Variants in LRCH3 observed in about 807,000 individuals in gnomAD.
LRCH3 encodes the protein leucine rich repeats and calponin homology domain containing 3.
In LRCH3, 68 loss-of-function variants were observed where a neutral mutation model predicts 104.5. That is an observed-to-expected ratio of 0.65 (90% CI 0.54 to 0.80). LRCH3 has a LOEUF of 0.80. Among genes scored for constraint, LRCH3 ranks in the 30% least tolerant of loss-of-function variants. The pLI is 0.00. For synonymous variants in LRCH3, 344 were observed against 361.3 expected, an observed-to-expected ratio of 0.95 and a Z score of 0.54; for missense variants, 951 against 953.9, an observed-to-expected ratio of 1.00 and a Z score of 0.04.
chr3:197,843,503 CA>C (rs1010861838), intron 10 of LRCH3, among the ~76,000 whole-genome samples: 3 of 152,050 alleles, frequency 2.0e-5, no homozygotes, highest in African/African-American at 7.2e-5. Flanking sequence ...GCCAACATGG[CA>C]AAACCCTGTC....
At chr3:197,863,139 A>T (rs1741071906) in intron 15 of LRCH3, among the ~76,000 whole-genome samples, 1 of 152,206 alleles carries the variant, frequency 6.6e-6, no homozygotes, top group African/African-American at 2.4e-5. Flanking sequence ...TGTTAATTTT[A>T]GAGTCATTAT....
chr3:197,847,475 T>C lies in LRCH3; in HGVS notation c.1380+15T>C. On this transcript the variant is annotated intron_variant, in intron 11 of 20. Transcript: ENST00000425562. ...GTCACAATCAGGTAATGTTTAGTAG[T>C]TGTGTTTATTTTTGCTTTTTAAACT... 1 of 1,576,012 alleles carries C rather than the reference T, an allele frequency of 6.3e-7. No homozygotes were observed. Among genetic ancestry groups the C allele is most frequent in the Admixed American group, 2.0e-5 (1 of 49,012 alleles).
chr3:197,826,129 G>A (rs1464278246), intron 4 of LRCH3, among the ~76,000 whole-genome samples: 1 of 152,136 alleles, frequency 6.6e-6, no homozygotes, highest in South Asian at 2.1e-4. Context: ...GAAGTTCTCA[G>A]TATACTGGGC....
intron 1 of LRCH3, among the ~76,000 whole-genome samples, chr3:197,792,690 C>T (rs1416332000): frequency 7.2e-6 from 1 of 138,722 alleles, no homozygotes; most frequent in African/African-American, 2.7e-5. Context: ...TCGCTCTTGT[C>T]TCCCAGGCTG....
chr3:197,801,077 A>C (rs1731836758), intron 1 of LRCH3, among the ~76,000 whole-genome samples: 1 of 142,088 alleles, frequency 7.0e-6, no homozygotes, highest in South Asian at 2.4e-4. Flanking sequence ...CCTGGGCAAC[A>C]GAGTGAGACT....
intron 9 of LRCH3, among the ~76,000 whole-genome samples, chr3:197,837,996 A>G (rs890599395): frequency 2.6e-5 from 4 of 151,828 alleles, no homozygotes; most frequent in African/African-American, 7.3e-5. Flanking sequence ...GGCAGCGGAC[A>G]TTGCAGTGAG....
At chr3:197,868,005 CAA>C (rs912903458) in intron 17 of LRCH3, among the ~76,000 whole-genome samples, 2 of 152,038 alleles carry the variant, frequency 1.3e-5, no homozygotes, top group African/African-American at 4.8e-5. Flanking sequence ...GCTTGGGTAA[CAA>C]AGTGAAACCC....
chr3:197,833,491 T>C (rs1237363470), intron 8 of LRCH3, among the ~76,000 whole-genome samples: 1 of 143,272 alleles, frequency 7.0e-6, no homozygotes, highest in Non-Finnish European at 1.5e-5. Context: ...TGAGCCAAGA[T>C]CACGCCACTG....
chr3:197,850,734 T>C, intron 12 of LRCH3: 2 of 1,362,800 alleles, frequency 1.5e-6, no homozygotes, highest in Non-Finnish European at 2.1e-6. Flanking sequence ...GCCCCACTGC[T>C]TGGCCTGCGC....
At position 197,847,874 on chromosome 3, in the gene LRCH3, G is replaced by A. The variant is rs1232289334; in HGVS notation, c.1383G>A (p.Leu461=). The A allele has an allele frequency of 1.9e-6, 3 of 1,613,888 alleles. No individual in the cohort carries two copies. The highest frequency in any genetic ancestry group is 1.7e-6 in the Non-Finnish European group (2 of 1,179,926). Residue 461 remains leucine, a splice_region_variant and synonymous_variant, in exon 12 of 21, where the codon CTG becomes CTA. Coordinates refer to ENST00000425562, the MANE Select transcript of LRCH3 (RefSeq NM_001365715.1). ...LLSLSASHNQ[L]SHTDLELHQR... ...GCACAATAACGCTTTGGTTCCAGCT[G>A]TCACACACAGACCTGGAACTTCATC...
chr3:197,879,392 A>C (rs879844779), intron 20 of LRCH3, among the ~76,000 whole-genome samples: 3 of 151,848 alleles, frequency 2.0e-5, no homozygotes, highest in African/African-American at 7.3e-5. Flanking sequence ...CACGCCTGTA[A>C]TCCCAGCACT....
intron 15 of LRCH3, among the ~76,000 whole-genome samples, chr3:197,863,943 T>G (rs1209457017): frequency 6.6e-6 from 1 of 152,220 alleles, no homozygotes; most frequent in Non-Finnish European, 1.5e-5. Context: ...CCAGTAACAT[T>G]TTCTGTCTTA....
At chr3:197,831,777 C>T (rs886818695) in intron 7 of LRCH3, among the ~76,000 whole-genome samples, 1 of 151,838 alleles carries the variant, frequency 6.6e-6, no homozygotes, top group African/African-American at 2.4e-5. Flanking sequence ...GCCACCATGC[C>T]TGGCTAATTA....
intron 1 of LRCH3, among the ~76,000 whole-genome samples, chr3:197,796,719 A>G (rs1031799180): frequency 2.6e-5 from 4 of 152,210 alleles, no homozygotes; most frequent in African/African-American, 9.7e-5. Flanking sequence ...AGGAGATTAA[A>G]TAATTTGATC....
intron 4 of LRCH3, among the ~76,000 whole-genome samples, chr3:197,821,252 G>A (rs58564635): frequency 0.18 from 27,418 of 152,066 alleles, 3,117 homozygotes; most frequent in Non-Finnish European, 0.24. Context: ...TGATAAATGG[G>A]GTGAGAGACT....
At position 197,886,820 on chromosome 3, in the gene LRCH3, A is replaced by G. The variant is rs1002833038; in HGVS notation, c.*3154A>G. 6.6e-6 allele frequency: 1 copy of G among 152,000 alleles called. No individual in the cohort carries two copies. Among genetic ancestry groups the G allele is most frequent in the African/African-American group, 2.4e-5 (1 of 41,334 alleles). 9.4% of individuals were successfully genotyped at this position (152,000 alleles called of 1,614,324 possible). On this transcript the variant is annotated 3_prime_UTR_variant, in exon 21 of 21. Transcript: ENST00000425562. Reference sequence around the variant, plus strand: ...ACTCTGTCTCAAAAAAAAAAAAAAAAAAAAACCCACCAAACCAAAAATATA... The same window carrying G: ...ACTCTGTCTCAAAAAAAAAAAAAAAGAAAAACCCACCAAACCAAAAATATA...
chr3:197,856,671 G>C lies in LRCH3; in HGVS notation c.1645-2163G>C, dbSNP rs922204187. Reference sequence around the variant, plus strand: ...CAAAGTGCTGAGATTACAGGCATGAGCCACCGTGCCCAGCTTGTTTATTCT... The same window carrying C: ...CAAAGTGCTGAGATTACAGGCATGACCCACCGTGCCCAGCTTGTTTATTCT... On this transcript the variant is annotated intron_variant, in intron 14 of 20. Transcript: ENST00000425562. This position sits in a 1 kb window ranked among gnomAD's most constrained non-coding sequence, Gnocchi z 4.2. 6.6e-6 allele frequency among the ~76,000 whole-genome samples: 1 copy of C among 152,256 alleles called. No individual in the cohort carries two copies. The highest frequency in any genetic ancestry group is 2.1e-4 in the South Asian group (1 of 4,826).
intron 10 of LRCH3, among the ~76,000 whole-genome samples, chr3:197,845,525 G>A (rs1332591281): frequency 1.3e-5 from 2 of 152,086 alleles, no homozygotes; most frequent in African/African-American, 4.8e-5. Flanking sequence ...GCTTTTTCGG[G>A]GGAGGGTGCT....
At position 197,883,874 on chromosome 3, in the gene LRCH3, T is replaced by A; in HGVS notation, c.*208T>A. On this transcript the variant is annotated 3_prime_UTR_variant, in exon 21 of 21. Transcript: ENST00000425562. The surrounding 1 kb of genome is among the most constrained non-coding windows in gnomAD (Gnocchi z 4.2). ...TTGAATTTTTTTACGAAGACACCAT[T>A]GGTTTTCTCAGATGAAACTTCTCTT... 1 of 506,792 alleles carries A rather than the reference T, an allele frequency of 2.0e-6. No individual in the cohort carries two copies. The highest frequency in any genetic ancestry group is 3.2e-6 in the Non-Finnish European group (1 of 308,120). The allele number at this position is 506,792 out of a possible 1,614,324, so 31.4% of individuals were successfully genotyped here.
Sources: gnomAD v4.1 joint callset for allele counts (sites outside exome capture counted in the v4.1 genomes callset) on GRCh38, gnomAD v4.1.1 for gene constraint, Gnocchi (gnomAD v3.1) non-coding constraint, MANE v1.5 for transcripts, NCBI Gene and HGNC (gene_info 2026-07-23, HGNC 2026-07-21) for gene names.